Variants in MICU1 observed in about 807,000 individuals in gnomAD.
MICU1 encodes the protein calcium uptake protein 1, mitochondrial.
In MICU1, 45 loss-of-function variants were observed where a neutral mutation model predicts 56.8. The observed-to-expected ratio is 0.79, with a 90% confidence interval of 0.62 to 1.02. MICU1 has a LOEUF of 1.02. Among genes scored for constraint, MICU1 ranks in the 50% least tolerant of loss-of-function variants. The probability of loss-of-function intolerance (pLI) is 0.00; values close to 1 mark genes in which losing one functional copy is unlikely to be tolerated. For synonymous variants in MICU1, 186 were observed against 195.1 expected, an observed-to-expected ratio of 0.95 and a Z score of 0.39; for missense variants, 504 against 587.1, an observed-to-expected ratio of 0.86 and a Z score of 1.46.
intron 8 of MICU1, among the ~76,000 whole-genome samples, chr10:72,474,113 G>A (rs754618735): frequency 2.6e-5 from 4 of 151,716 alleles, no homozygotes; most frequent in East Asian, 3.9e-4. Flanking sequence ...AAAATTAGCC[G>A]GGTGTGGTGG....
At chr10:72,503,677 T>C (rs1247905512) in intron 6 of MICU1, among the ~76,000 whole-genome samples, 1 of 152,076 alleles carries the variant, frequency 6.6e-6, no homozygotes, top group African/African-American at 2.4e-5. Flanking sequence ...CCACATTATC[T>C]CTTCACTGAC....
At chr10:72,569,237 A>ATATATATATATATATTTTTTTTTTT in intron 1 of MICU1, among the ~76,000 whole-genome samples, 1 of 34,392 alleles carries the variant, frequency 2.9e-5, no homozygotes, top group Non-Finnish European at 5.1e-5. Context: ...ATATATATAT[A>ATATATATATATATATTTTTTTTTTT]TTTTTTTTTT....
intron 8 of MICU1, among the ~76,000 whole-genome samples, chr10:72,455,720 G>A (rs1368177505): frequency 2.6e-5 from 4 of 152,114 alleles, no homozygotes. Flanking sequence ...CTTTCTGGCT[G>A]TAAAATGACA....
intron 10 of MICU1, among the ~76,000 whole-genome samples, chr10:72,381,379 T>C (rs1344517251): frequency 1.3e-5 from 2 of 152,140 alleles, no homozygotes; most frequent in African/African-American, 2.4e-5. Flanking sequence ...TGGCTTTGGG[T>C]GGAACAAGGG....
At chr10:72,486,404 G>A (rs1370550490) in intron 6 of MICU1, among the ~76,000 whole-genome samples, 1 of 152,172 alleles carries the variant, frequency 6.6e-6, no homozygotes, top group Non-Finnish European at 1.5e-5. Context: ...AGTTTTTGAC[G>A]TATTTTGTAG....
At chr10:72,541,713 C>T (rs553320278) in intron 4 of MICU1, among the ~76,000 whole-genome samples, 4 of 152,304 alleles carry the variant, frequency 2.6e-5, no homozygotes, top group Admixed American at 1.3e-4. Flanking sequence ...TTCTACTTGG[C>T]TGGCCTTGCA....
chr10:72,589,162 G>A (rs192088015), intron 1 of MICU1, among the ~76,000 whole-genome samples: 233 of 152,122 alleles, frequency 1.5e-3, no homozygotes, highest in African/African-American at 5.4e-3. Flanking sequence ...GGTGGCAGGC[G>A]CCTGTAATCC....
intron 4 of MICU1, among the ~76,000 whole-genome samples, chr10:72,548,637 G>T (rs1295592845): frequency 1.3e-5 from 2 of 152,134 alleles, no homozygotes; most frequent in Admixed American, 6.5e-5. Context: ...AAACATATGG[G>T]TTGATTATAT....
chr10:72,403,201 C>T (rs1001612651), intron 10 of MICU1, among the ~76,000 whole-genome samples: 1 of 151,680 alleles, frequency 6.6e-6, no homozygotes, highest in African/African-American at 2.4e-5. Context: ...GACAGTGACC[C>T]GGGTCACCAT....
At chr10:72,457,856 T>C (rs1865520716) in intron 8 of MICU1, among the ~76,000 whole-genome samples, 1 of 151,996 alleles carries the variant, frequency 6.6e-6, no homozygotes. Context: ...CCAACCTTAA[T>C]AGCAAAGAAA....
intron 1 of MICU1, among the ~76,000 whole-genome samples, chr10:72,586,638 C>T (rs1289421033): frequency 6.7e-6 from 1 of 149,694 alleles, no homozygotes; most frequent in African/African-American, 2.5e-5. Flanking sequence ...GGCAACAGAG[C>T]GAGACTCCAT....
At chr10:72,393,953 G>C (rs747252123) in intron 10 of MICU1, among the ~76,000 whole-genome samples, 4 of 152,110 alleles carry the variant, frequency 2.6e-5, no homozygotes, top group Non-Finnish European at 4.4e-5. Context: ...ATTTTTAGTA[G>C]AGACAGGGTT....
intron 1 of MICU1, among the ~76,000 whole-genome samples, chr10:72,598,740 A>AC (rs1841443924): frequency 6.6e-6 from 1 of 152,056 alleles, no homozygotes; most frequent in Non-Finnish European, 1.5e-5. Context: ...ATGAAGAATA[A>AC]CCCCAAAAAA....
chr10:72,611,046 T>C (rs1841829955), intron 1 of MICU1, among the ~76,000 whole-genome samples: 1 of 152,132 alleles, frequency 6.6e-6, no homozygotes, highest in Non-Finnish European at 1.5e-5. Flanking sequence ...GGCTCACGCC[T>C]GTAATCCCAG....
At chr10:72,607,584 C>T (rs7074152) in intron 1 of MICU1, among the ~76,000 whole-genome samples, 4,700 of 149,866 alleles carry the variant, frequency 0.031, 242 homozygotes, top group African/African-American at 0.11. Context: ...TTGAGGTGAG[C>T]CAAGATCGCA....
chr10:72,431,948 A>G (rs560472459), intron 8 of MICU1, among the ~76,000 whole-genome samples: 4 of 152,146 alleles, frequency 2.6e-5, no homozygotes, highest in African/African-American at 9.6e-5. Context: ...TAGGTTGACC[A>G]TTTTTCTAAC....
At chr10:72,534,477 G>A (rs968073135) in intron 4 of MICU1, among the ~76,000 whole-genome samples, 2 of 152,126 alleles carry the variant, frequency 1.3e-5, no homozygotes, top group African/African-American at 4.8e-5. Flanking sequence ...GCCTTGAAAA[G>A]TCACAATTTA....
chr10:72,480,912 A>G (rs1866274190), intron 6 of MICU1, among the ~76,000 whole-genome samples: 1 of 152,270 alleles, frequency 6.6e-6, no homozygotes, highest in Non-Finnish European at 1.5e-5. Context: ...CAAACAAAGT[A>G]TACCCTGTAA....
At chr10:72,481,948 C>T (rs1407773162) in intron 6 of MICU1, among the ~76,000 whole-genome samples, 2 of 152,158 alleles carry the variant, frequency 1.3e-5, no homozygotes, top group African/African-American at 4.8e-5. Flanking sequence ...GTTCTGGTTA[C>T]AAGTCTGTTT....
Sources: gnomAD v4.1 joint callset for allele counts (sites outside exome capture counted in the v4.1 genomes callset) on GRCh38, gnomAD v4.1.1 for gene constraint, MANE v1.5 for transcripts, NCBI Gene and HGNC (gene_info 2026-07-23, HGNC 2026-07-21) for gene names.